SLC6A2: variants seen among roughly 807,000 people sequenced by gnomAD.
The protein encoded by SLC6A2 is solute carrier family 6 member 2.
A neutral mutation model predicts 71.7 loss-of-function variants in SLC6A2; 26 were observed. That is an observed-to-expected ratio of 0.36 (90% CI 0.27 to 0.50). The LOEUF is 0.50. Among genes scored for constraint, SLC6A2 ranks in the 20% least tolerant of loss-of-function variants. The pLI is 0.96. For missense variants in SLC6A2, 581 were observed against 803.9 expected (o/e 0.72, Z 3.35); for synonymous variants, 363 against 337.9 (o/e 1.07, Z -0.82).
At chr16:55,701,994 G>T in intron 14 of SLC6A2, 60 bp downstream of exon 14, 1 of 1,291,470 alleles carries the variant, frequency 7.7e-7, no homozygotes. Flanking sequence ...GCTGTTCCCT[G>T]CTGTGCACTG....
At chr16:55,669,847 G>A (rs1434773724) in intron 3 of SLC6A2, 151 bp downstream of exon 3, 1 of 843,658 alleles carries the variant, frequency 1.2e-6, no homozygotes, top group East Asian at 2.7e-5. Flanking sequence ...CCCATTCCAA[G>A]TTACGTGGAG....
chr16:55,691,772 G>A (rs1284096440), intron 5 of SLC6A2, 146 bp from the exon 6 acceptor site: 1 of 926,244 alleles, frequency 1.1e-6, no homozygotes, highest in African/African-American at 1.6e-5. Flanking sequence ...GCCTTGCCTA[G>A]AGCTGGAACT....
At chr16:55,700,332 A>G (rs779330141) in intron 13 of SLC6A2, 26 bp downstream of exon 13, 3 of 1,586,412 alleles carry the variant, frequency 1.9e-6, no homozygotes, top group South Asian at 1.1e-5. Flanking sequence ...CCCCAGGGGA[A>G]CAGGGTGGGA....
chr16:55,698,834 C>T (rs1965881456), intron 11 of SLC6A2, among the ~76,000 whole-genome samples: 1 of 152,196 alleles, frequency 6.6e-6, no homozygotes, highest in Admixed American at 6.5e-5. Flanking sequence ...TTCATCCTAC[C>T]AGGGGGTTGT....
At position 55,671,969 on chromosome 16, in the gene SLC6A2, G is replaced by C. The variant is rs536082124; in HGVS notation, c.438G>C (p.Leu146=). The part of the protein sequence containing the change: ...GVGYAVILIA[L]YVGFYYNVII... ...GCTATGCTGTCATCCTGATCGCCCT[G>C]TACGTTGGCTTCTACTACAACGTCA... is the stretch of plus-strand genomic sequence containing the variant. Residue 146 remains leucine (L), a synonymous_variant, in exon 4 of 15, where the codon CTG becomes CTC. Coordinates refer to ENST00000568943, the MANE Select transcript of SLC6A2 (RefSeq NM_001172501.3). The C allele has an allele frequency of 6.9e-5, 111 of 1,614,124 alleles. 2 individuals are homozygous for C. The South Asian group carries it at 1.2e-3, about 17-fold the overall frequency.
intron 4 of SLC6A2, among the ~76,000 whole-genome samples, chr16:55,673,397 A>G (rs1036733407): frequency 7.9e-5 from 12 of 152,140 alleles, no homozygotes; most frequent in African/African-American, 2.7e-4. Context: ...TTTTTAAGTA[A>G]TGTGTCTTTT....
chr16:55,668,875 C>T (rs751484016), intron 2 of SLC6A2, among the ~76,000 whole-genome samples: 17 of 152,066 alleles, frequency 1.1e-4, no homozygotes, highest in Non-Finnish European at 2.5e-4. Flanking sequence ...GTCACAAGGC[C>T]GGAATGTGAA....
rs368890041 is a variant in SLC6A2 at position 55,675,142 on chromosome 16, C to T, written c.644+2967C>T. Among the ~76,000 whole-genome samples, 34 of 152,234 alleles carry T rather than the reference C, an allele frequency of 2.2e-4. 1 individual carries two copies. The East Asian group carries it at 3.7e-3, about 16-fold the overall frequency. ...CATCCATTTATGTCCTTGAGGAGGG[C>T]GATGACTGACTTGTTTTCAGCCACC... On this transcript the variant is annotated intron_variant, in intron 4 of 14. Coordinates refer to ENST00000568943, the MANE Select transcript of SLC6A2 (RefSeq NM_001172501.3).
intron 5 of SLC6A2, among the ~76,000 whole-genome samples, chr16:55,691,569 T>C (rs1965630904): frequency 6.6e-6 from 1 of 151,994 alleles, no homozygotes; most frequent in Non-Finnish European, 1.5e-5. Context: ...GAGTCAGGAG[T>C]CTTTCCTTGA....
intron 2 of SLC6A2, among the ~76,000 whole-genome samples, chr16:55,666,514 C>T (rs1388893932): frequency 6.6e-6 from 1 of 152,170 alleles, no homozygotes; most frequent in African/African-American, 2.4e-5. Context: ...AGGCACTGGC[C>T]GCGGGTAGCT....
intron 13 of SLC6A2, among the ~76,000 whole-genome samples, chr16:55,701,600 G>A (rs1343727955): frequency 6.6e-6 from 1 of 152,222 alleles, no homozygotes; most frequent in Admixed American, 6.5e-5. Flanking sequence ...TAGAGACTGT[G>A]TGGGTCTCCT....
chr16:55,690,443 C>T (rs879520), intron 5 of SLC6A2, among the ~76,000 whole-genome samples: 26,357 of 152,150 alleles, frequency 0.17, 2,608 homozygotes, highest in African/African-American at 0.26. Flanking sequence ...AAAGAACTTT[C>T]GTGTTTCAAG....
chr16:55,700,217 G>T lies in SLC6A2; in HGVS notation c.1669G>T (p.Val557Leu). The change falls in exon 13 of 15, where the codon GTG (valine) becomes TTG (leucine). Residue 557 changes from valine (V) to leucine (L), a missense_variant. Physicochemically the swap from Val to Leu is conservative, Grantham distance 32 (BLOSUM62 1). This residue lies in a region of SLC6A2 where 334 missense variants were observed against 449.0 expected (regional missense o/e 0.74). Coordinates refer to ENST00000568943, the MANE Select transcript of SLC6A2 (RefSeq NM_001172501.3). ...CATCTTCCCGCCCTGGGCCAACTGG[G>T]TGGGGTGGGGCATCGCCCTGTCCTC... Reference protein sequence around the residue: ...DYIFPPWANWVGWGIALSSMV... With the variant: ...DYIFPPWANWLGWGIALSSMV... 1 of 1,614,070 alleles carries T rather than the reference G, an allele frequency of 6.2e-7. No individual in the cohort carries two copies. The highest frequency in any genetic ancestry group is 8.5e-7 in the Non-Finnish European group (1 of 1,179,966).
intron 5 of SLC6A2, among the ~76,000 whole-genome samples, chr16:55,688,167 G>T (rs1191870629): frequency 6.6e-6 from 1 of 152,196 alleles, no homozygotes; most frequent in Non-Finnish European, 1.5e-5. Context: ...GAGAAACCAA[G>T]AGTGTTGCTT....
rs112079381 is a variant in SLC6A2, at chr16:55,676,985, G to A, written c.644+4810G>A. 5.4e-3 allele frequency among the ~76,000 whole-genome samples: 820 copies of A among 152,284 alleles called. 9 individuals are homozygous for A. Among genetic ancestry groups the A allele is most frequent in the South Asian group, 0.047 (228 of 4,828 alleles). On this transcript the variant is annotated intron_variant, in intron 4 of 14. Coordinates refer to ENST00000568943, the MANE Select transcript of SLC6A2 (RefSeq NM_001172501.3). ...CCAGAGATTCTGATTTCATTGGTCC[G>A]GGTACAACCAGGGCATAGAAATTTC... is the stretch of plus-strand genomic sequence containing the variant.
chr16:55,683,657 GA>G (rs1461864691), intron 4 of SLC6A2, among the ~76,000 whole-genome samples: 10 of 151,674 alleles, frequency 6.6e-5, no homozygotes, highest in African/African-American at 1.9e-4. Context: ...CAAAACAAAA[GA>G]AAAAAAACCC....
intron 2 of SLC6A2, among the ~76,000 whole-genome samples, chr16:55,662,950 C>T (rs572165335): frequency 6.6e-5 from 10 of 152,280 alleles, no homozygotes; most frequent in East Asian, 3.9e-4. Flanking sequence ...TGAGTGCCTC[C>T]GATTCAATTC....
In SLC6A2 at chr16:55,705,166, T is replaced by C; in HGVS notation, c.*2820T>C. ...TCAGTTTGAGAACATCACATTTACGTCTACTCAATGTCTAGTTATTTAGCA... is the reference window on the plus strand; with the variant it reads ...TCAGTTTGAGAACATCACATTTACGCCTACTCAATGTCTAGTTATTTAGCA... On this transcript the variant is annotated 3_prime_UTR_variant, in exon 15 of 15. Coordinates refer to ENST00000568943, the MANE Select transcript of SLC6A2 (RefSeq NM_001172501.3). 1.6e-6 allele frequency: 2 copies of C among 1,246,914 alleles called. No individual in the cohort carries two copies. Among genetic ancestry groups the C allele is most frequent in the South Asian group, 2.6e-5 (2 of 77,776 alleles). The allele number at this position is 1,246,914 out of a possible 1,614,324, so 77.2% of individuals were successfully genotyped here.
Position 55,703,523 on chromosome 16 carries a change from T to A in SLC6A2, c.*1177T>A. The A allele has an allele frequency of 1.0e-6, 1 of 985,240 alleles. No individual in the cohort carries two copies. Among genetic ancestry groups the A allele is most frequent in the Non-Finnish European group, 1.2e-6 (1 of 829,878 alleles). The allele number at this position is 985,240 out of a possible 1,614,324, so 61.0% of individuals were successfully genotyped here. ...AGAATTTTGAGAGTGGATGGAACAG[T>A]TTGGTGGTTTCAGAGAATTTCTAGG... On this transcript the variant is annotated 3_prime_UTR_variant, in exon 15 of 15. Transcript: ENST00000568943.
Sources: allele counts gnomAD v4.1 joint callset (sites outside exome capture counted in the v4.1 genomes callset), GRCh38; gene constraint gnomAD v4.1.1; regional missense constraint gnomAD v4.1.1; transcripts MANE v1.5; gene names NCBI Gene and HGNC (gene_info 2026-07-23, HGNC 2026-07-21).